SERGEF: variants seen among roughly 807,000 people sequenced by gnomAD.
SERGEF encodes the protein secretion regulating guanine nucleotide exchange factor.
A neutral mutation model predicts 50.0 loss-of-function variants in SERGEF; 51 were observed. The ratio of observed to expected loss-of-function variants is 1.02; its 90% CI spans 0.81 to 1.29. SERGEF has a LOEUF of 1.29. Ranked by LOEUF, SERGEF falls within the 50% of genes most tolerant of loss-of-function variation. SERGEF has a pLI of 0.00. For missense variants in SERGEF, 521 were observed against 557.0 expected (o/e 0.94, Z 0.65); for synonymous variants, 205 against 212.4 (o/e 0.97, Z 0.30).
intron 1 of SERGEF, among the ~76,000 whole-genome samples, chr11:18,009,787 T>C (rs1210008787): frequency 6.6e-6 from 1 of 152,220 alleles, no homozygotes; most frequent in Non-Finnish European, 1.5e-5. Flanking sequence ...GTCAGATGTA[T>C]TTCAGATTCA....
At position 18,000,510 on chromosome 11, in the gene SERGEF, T is replaced by G; in HGVS notation, c.495A>C (p.Ala165=). 6.3e-7 allele frequency: 1 copy of G among 1,583,174 alleles called. No individual in the cohort carries two copies. The highest frequency in any genetic ancestry group is 8.5e-7 in the Non-Finnish European group (1 of 1,169,694). Residue 165 remains alanine (A), a synonymous_variant, in exon 5 of 11, where the codon GCA becomes GCC. Transcript: ENST00000265965. The part of the protein sequence containing the change: ...VVCIAAGLRH[A]VAATASGIVF... ...TAAGATGATCACCTGTAGCAGCTAC[T>G]GCATGCCTCAGTCCAGCAGCAATAC...
At chr11:18,004,405 C>T (rs1461386333) in intron 4 of SERGEF, 36 bp downstream of exon 4, 2 of 1,479,982 alleles carry the variant, frequency 1.4e-6, no homozygotes, top group Non-Finnish European at 1.9e-6. Flanking sequence ...AACACTTTAA[C>T]AGGTCATGGG....
chr11:18,003,353 A>G (rs973723387), intron 4 of SERGEF, among the ~76,000 whole-genome samples: 2 of 152,254 alleles, frequency 1.3e-5, no homozygotes, highest in Non-Finnish European at 2.9e-5. Flanking sequence ...CACTGAAGTA[A>G]AGAGCTCTGA....
intron 10 of SERGEF, among the ~76,000 whole-genome samples, chr11:17,797,793 G>A (rs865958938): frequency 5.9e-5 from 9 of 152,190 alleles, no homozygotes; most frequent in African/African-American, 2.2e-4. Context: ...GGCCAAAAGG[G>A]AACCCATGGA....
At chr11:18,007,760 C>T (rs1278540293) in intron 2 of SERGEF, among the ~76,000 whole-genome samples, 181 bp downstream of exon 2, 2 of 152,120 alleles carry the variant, frequency 1.3e-5, no homozygotes, top group Admixed American at 6.6e-5. Context: ...TCTCTGAAGT[C>T]CTTCTAGCCC....
intron 10 of SERGEF, among the ~76,000 whole-genome samples, chr11:17,814,280 C>A (rs1035349121): frequency 6.6e-6 from 1 of 152,192 alleles, no homozygotes; most frequent in African/African-American, 2.4e-5. Context: ...GGGCCTCATC[C>A]AGTTAAAGGC....
rs995812318 is a variant in SERGEF, at chr11:17,991,846, T to C, written c.685+1085A>G. On this transcript the variant is annotated intron_variant, in intron 7 of 10. Transcript: ENST00000265965. This position sits in a 1 kb window ranked among gnomAD's most constrained non-coding sequence, Gnocchi z 4.9. ...TACCACCATTAATTTACATATATTA[T>C]GGGCACACCTGAATTTCCACATAAA... Among the ~76,000 whole-genome samples, 4 of 152,236 alleles carry C rather than the reference T, an allele frequency of 2.6e-5. No homozygotes were observed. Among genetic ancestry groups the C allele is most frequent in the African/African-American group, 4.8e-5 (2 of 41,458 alleles).
chr11:17,858,429 C>G (rs892271490), intron 10 of SERGEF, among the ~76,000 whole-genome samples: 1 of 152,090 alleles, frequency 6.6e-6, no homozygotes, highest in Non-Finnish European at 1.5e-5. Flanking sequence ...TCCAGAAAGT[C>G]AACAACTAAG....
chr11:17,878,916 AG>A (rs563192483), intron 9 of SERGEF, among the ~76,000 whole-genome samples: 44 of 152,212 alleles, frequency 2.9e-4, no homozygotes, highest in Non-Finnish European at 5.9e-4. Flanking sequence ...TGTTGCTTCT[AG>A]GCAGACTCAG....
chr11:17,933,325 A>G (rs979231974), intron 9 of SERGEF, among the ~76,000 whole-genome samples: 1 of 152,198 alleles, frequency 6.6e-6, no homozygotes, highest in Non-Finnish European at 1.5e-5. Flanking sequence ...ATTCACTACT[A>G]GTCCTCATTG....
chr11:17,934,138 C>T (rs1852405377), intron 9 of SERGEF, among the ~76,000 whole-genome samples: 1 of 151,958 alleles, frequency 6.6e-6, no homozygotes, highest in South Asian at 2.1e-4. Flanking sequence ...AAGGTATTGT[C>T]CAGGTATAGA....
chr11:17,822,822 A>G (rs749638226), intron 10 of SERGEF, among the ~76,000 whole-genome samples: 3 of 152,214 alleles, frequency 2.0e-5, no homozygotes, highest in Non-Finnish European at 4.4e-5. Flanking sequence ...GAGCACAGAG[A>G]TTTCATTTAA....
intron 8 of SERGEF, among the ~76,000 whole-genome samples, chr11:17,972,715 C>T (rs1477613202): frequency 2.0e-5 from 3 of 152,114 alleles, no homozygotes; most frequent in Non-Finnish European, 4.4e-5. Context: ...TACAAGTCAA[C>T]TTTTCCAAGC....
At position 17,959,480 on chromosome 11, in the gene SERGEF, C is replaced by G. The variant is rs779909675; in HGVS notation, c.1001G>C (p.Gly334Ala). ...SMPSSPHCLT[G>A]ATEVSCGSEH... Reference sequence around the variant, plus strand: ...GAAGTCACTTCCTACCTCAGTTGCTCCAGTTAAGCAATGCGGAGACGAAGG... The same window carrying G: ...GAAGTCACTTCCTACCTCAGTTGCTGCAGTTAAGCAATGCGGAGACGAAGG... Residue 334 changes from glycine (G) to alanine (A), a missense_variant, in exon 9 of 11, where the codon GGA (glycine) becomes GCA (alanine). Physicochemically the swap from Gly to Ala is moderately conservative, Grantham distance 60 (BLOSUM62 0). Transcript: ENST00000265965. 1.2e-6 allele frequency: 2 copies of G among 1,612,744 alleles called. No homozygotes were observed. The highest frequency in any genetic ancestry group is 1.1e-5 in the South Asian group (1 of 90,658).
At chr11:17,899,211 C>A (rs559812974) in intron 9 of SERGEF, among the ~76,000 whole-genome samples, 1 of 152,278 alleles carries the variant, frequency 6.6e-6, no homozygotes, top group East Asian at 1.9e-4. Context: ...AGTGTGAGAA[C>A]AGATAAATAC....
chr11:17,921,323 A>G (rs1324383811), intron 9 of SERGEF, among the ~76,000 whole-genome samples: 3 of 152,348 alleles, frequency 2.0e-5, no homozygotes, highest in Admixed American at 2.0e-4. Flanking sequence ...GATGATAATG[A>G]AAGACTGAAG....
chr11:17,929,849 C>G (rs1436912645), intron 9 of SERGEF, among the ~76,000 whole-genome samples: 1 of 152,208 alleles, frequency 6.6e-6, no homozygotes, highest in Non-Finnish European at 1.5e-5. Flanking sequence ...TATATTCCTA[C>G]AGCATTTCCT....
chr11:17,802,573 C>G (rs78315988), intron 10 of SERGEF, among the ~76,000 whole-genome samples: 2,457 of 152,324 alleles, frequency 0.016, 66 homozygotes, highest in African/African-American at 0.056. Context: ...CCAGCTACCT[C>G]TCTGATACCC....
At chr11:17,927,811 C>A (rs1161628452) in intron 9 of SERGEF, among the ~76,000 whole-genome samples, 2 of 152,214 alleles carry the variant, frequency 1.3e-5, no homozygotes, top group East Asian at 3.8e-4. Context: ...TGATTGCACA[C>A]ACATTGAAAT....
Sources: gnomAD v4.1 joint callset for allele counts (sites outside exome capture counted in the v4.1 genomes callset) on GRCh38, gnomAD v4.1.1 for gene constraint, Gnocchi (gnomAD v3.1) non-coding constraint, MANE v1.5 for transcripts, NCBI Gene and HGNC (gene_info 2026-07-23, HGNC 2026-07-21) for gene names.